GFRA1: variants seen among roughly 807,000 people sequenced by gnomAD.
The protein encoded by GFRA1 is GDNF family receptor alpha 1, also known as GDNF family receptor alpha-1.
Under a neutral mutation model 51.6 loss-of-function variants are expected in GFRA1, and 16 were observed. The observed-to-expected ratio is 0.31, with a 90% confidence interval of 0.21 to 0.47. The LOEUF (loss-of-function observed/expected upper bound fraction) is 0.47, where lower values mean the gene tolerates loss of function less well. GFRA1 is among the 20% of genes least tolerant of loss of function. GFRA1 has a pLI of 1.00. For synonymous variants in GFRA1, 270 were observed against 241.3 expected (o/e 1.12, Z -1.10); for missense variants, 530 against 594.3 (o/e 0.89, Z 1.13).
At chr10:116,082,846 C>T (rs1261973332) in intron 9 of GFRA1, among the ~76,000 whole-genome samples, 1 of 152,124 alleles carries the variant, frequency 6.6e-6, no homozygotes, top group Admixed American at 6.5e-5. Flanking sequence ...TCCTCTGTGG[C>T]CCCCCTGCTC....
intron 4 of GFRA1, among the ~76,000 whole-genome samples, chr10:116,266,471 C>T (rs928748681): frequency 4.6e-5 from 7 of 152,210 alleles, no homozygotes; most frequent in Non-Finnish European, 1.5e-5. Context: ...GACTTAAAGC[C>T]TCTCAAGTCT....
At chr10:116,270,751 G>T in intron 3 of GFRA1, 71 bp downstream of exon 3, 6 of 1,280,748 alleles carry the variant, frequency 4.7e-6, no homozygotes, top group Non-Finnish European at 6.7e-6. Flanking sequence ...GAGATCAGCT[G>T]GCCCAGGGAC....
intron 4 of GFRA1, among the ~76,000 whole-genome samples, chr10:116,217,103 CA>C (rs1359736793): frequency 6.6e-6 from 1 of 152,122 alleles, no homozygotes; most frequent in Non-Finnish European, 1.5e-5. Context: ...CACTCCAGGG[CA>C]GTTCTGTTTT....
Position 116,092,563 on chromosome 10 carries a change from A to T in GFRA1, c.1015+1139T>A, listed in dbSNP as rs79823553. The stretch of plus-strand genomic sequence containing the variant: ...TGCACCCCTCCCACCAGGAAGTCAG[A>T]CTGACATGGTTCCTGAAGTTCAGGC... On this transcript the variant is annotated intron_variant, in intron 8 of 10. Coordinates refer to ENST00000355422, the MANE Select transcript of GFRA1 (RefSeq NM_005264.8). Among the ~76,000 whole-genome samples, 201 of 152,208 alleles carry T rather than the reference A, an allele frequency of 1.3e-3. 2 individuals are homozygous for T. Among genetic ancestry groups the T allele is most frequent in the Non-Finnish European group, 2.5e-3 (167 of 68,008 alleles).
At chr10:116,095,575 G>A (rs1956535568) in intron 7 of GFRA1, among the ~76,000 whole-genome samples, 1 of 152,134 alleles carries the variant, frequency 6.6e-6, no homozygotes, top group Non-Finnish European at 1.5e-5. Context: ...TTGGGGATCT[G>A]GGGAAAGCTA....
chr10:116,270,455 T>C (rs557172634), intron 3 of GFRA1, among the ~76,000 whole-genome samples: 1 of 152,328 alleles, frequency 6.6e-6, no homozygotes, highest in Non-Finnish European at 1.5e-5. Flanking sequence ...CAAGCCTTCC[T>C]ATTATTATTG....
Position 116,272,122 on chromosome 10 carries a change from G to C in GFRA1, c.-93C>G, listed in dbSNP as rs1469089418. 3.6e-6 allele frequency: 4 copies of C among 1,099,836 alleles called. No homozygotes were observed. The highest frequency in any genetic ancestry group is 5.4e-6 in the Non-Finnish European group (4 of 737,282). The allele number at this position is 1,099,836 out of a possible 1,614,324, so 68.1% of individuals were successfully genotyped here. On this transcript the variant is annotated 5_prime_UTR_variant, in exon 2 of 11. Transcript: ENST00000355422. This position sits in a 1 kb window ranked among gnomAD's most constrained non-coding sequence, Gnocchi z 4.4. ...GGAGCTCAGCGTGCAGCGATCCCCG[G>C]ACAGCTGTGCTGCTCTGGCCGCCCA...
chr10:116,076,721 G>A (rs767300314), intron 9 of GFRA1, among the ~76,000 whole-genome samples: 14 of 152,108 alleles, frequency 9.2e-5, no homozygotes, highest in Non-Finnish European at 1.5e-4. Flanking sequence ...GAGCTGGTTC[G>A]CTCAATAATC....
intron 5 of GFRA1, among the ~76,000 whole-genome samples, chr10:116,179,106 C>T (rs1397606896): frequency 6.6e-6 from 1 of 152,188 alleles, no homozygotes; most frequent in African/African-American, 2.4e-5. Context: ...ATAGTCCAGA[C>T]GAGAAGACCA....
At chr10:116,096,627 C>T in intron 7 of GFRA1, 28 bp downstream of exon 7, 1 of 1,242,680 alleles carries the variant, frequency 8.0e-7, no homozygotes, top group South Asian at 1.2e-5. Flanking sequence ...CCACACTCTT[C>T]TCCCATCCTG....
intron 9 of GFRA1, among the ~76,000 whole-genome samples, chr10:116,071,765 C>T (rs1254010160): frequency 1.3e-5 from 2 of 152,228 alleles, no homozygotes; most frequent in Admixed American, 6.5e-5. Flanking sequence ...GGCAAAATCA[C>T]TTAGAAATGG....
chr10:116,106,617 G>C (rs1427563445), intron 6 of GFRA1, among the ~76,000 whole-genome samples: 1 of 152,088 alleles, frequency 6.6e-6, no homozygotes, highest in African/African-American at 2.4e-5. Context: ...TTTTACAAGT[G>C]TGTGGCACCT....
chr10:116,210,350 C>A (rs887233255), intron 5 of GFRA1, among the ~76,000 whole-genome samples: 6 of 152,030 alleles, frequency 3.9e-5, no homozygotes, highest in Admixed American at 3.3e-4. Context: ...TGTGGGGTTG[C>A]TTACATTCTA....
chr10:116,179,007 C>G (rs1450515361), intron 5 of GFRA1, among the ~76,000 whole-genome samples: 1 of 152,130 alleles, frequency 6.6e-6, no homozygotes, highest in Non-Finnish European at 1.5e-5. Context: ...TCTGCTCCCC[C>G]GGTTACCGAC....
intron 4 of GFRA1, among the ~76,000 whole-genome samples, chr10:116,228,837 C>A (rs1008201580): frequency 6.6e-6 from 1 of 151,792 alleles, no homozygotes; most frequent in Non-Finnish European, 1.5e-5. Flanking sequence ...AAAAAATTAG[C>A]CAGGAGTGGT....
chr10:116,068,402 G>A (rs1955216473), intron 9 of GFRA1, among the ~76,000 whole-genome samples: 1 of 152,186 alleles, frequency 6.6e-6, no homozygotes, highest in South Asian at 2.1e-4. Flanking sequence ...TTGCATATAG[G>A]TTTGAGATCT....
chr10:116,222,953 A>G (rs979446770), intron 4 of GFRA1, among the ~76,000 whole-genome samples: 2 of 152,244 alleles, frequency 1.3e-5, no homozygotes, highest in Non-Finnish European at 2.9e-5. Context: ...ACACTGTATC[A>G]TGTATTATAG....
At chr10:116,229,416 A>G (rs1966543188) in intron 4 of GFRA1, among the ~76,000 whole-genome samples, 1 of 152,170 alleles carries the variant, frequency 6.6e-6, no homozygotes, top group Non-Finnish European at 1.5e-5. Flanking sequence ...TGGGCCACTG[A>G]AATTCTGTTT....
chr10:116,117,546 T>TGGGG, intron 6 of GFRA1, among the ~76,000 whole-genome samples: 1 of 14,706 alleles, frequency 6.8e-5, no homozygotes, highest in Non-Finnish European at 1.8e-4. Flanking sequence ...GGTGGGTGGG[T>TGGGG]GGGTGGGTGT....
Sources: allele counts gnomAD v4.1 joint callset (sites outside exome capture counted in the v4.1 genomes callset), GRCh38; gene constraint gnomAD v4.1.1; non-coding constraint Gnocchi (gnomAD v3.1); transcripts MANE v1.5; gene names NCBI Gene and HGNC (gene_info 2026-07-23, HGNC 2026-07-21).